The following TMCC1 variants were observed in gnomAD, a reference collection of about 807,000 sequenced individuals.
TMCC1 encodes the protein transmembrane and coiled-coil domain family 1, also known as transmembrane and coiled-coil domains protein 1.
In TMCC1, 15 loss-of-function variants were observed where a neutral mutation model predicts 52.4. The ratio of observed to expected loss-of-function variants is 0.29; its 90% CI spans 0.19 to 0.44. TMCC1 has a LOEUF of 0.44. Among genes scored for constraint, TMCC1 ranks in the 20% least tolerant of loss-of-function variants. The pLI, the probability that TMCC1 is intolerant of heterozygous loss-of-function variation, is 1.00. For missense variants in TMCC1, 503 were observed against 806.0 expected (o/e 0.62, Z 4.55); for synonymous variants, 279 against 301.9 (o/e 0.92, Z 0.79).
intron 4 of TMCC1, among the ~76,000 whole-genome samples, chr3:129,684,782 C>A (rs947013139): frequency 2.6e-5 from 4 of 152,054 alleles, no homozygotes; most frequent in Non-Finnish European, 5.9e-5. Flanking sequence ...TAGGTATCTG[C>A]GGGGTAGGAT....
At chr3:129,802,363 T>C (rs573426708) in intron 4 of TMCC1, among the ~76,000 whole-genome samples, 1 of 152,340 alleles carries the variant, frequency 6.6e-6, no homozygotes, top group African/African-American at 2.4e-5. Context: ...AAAGTGATAC[T>C]TGAGAGTATA....
chr3:129,870,364 A>G (rs1015059888), intron 2 of TMCC1, among the ~76,000 whole-genome samples: 3 of 152,148 alleles, frequency 2.0e-5, no homozygotes, highest in African/African-American at 7.2e-5. Context: ...CAACTTCTGA[A>G]TATATTTGGA....
chr3:129,820,584 G>A (rs2058367356), intron 4 of TMCC1, among the ~76,000 whole-genome samples: 2 of 151,956 alleles, frequency 1.3e-5, no homozygotes, highest in East Asian at 3.9e-4. Context: ...GGGAGATTCT[G>A]AGAGGCCAGA....
intron 4 of TMCC1, among the ~76,000 whole-genome samples, chr3:129,818,752 A>G (rs1461659782): frequency 1.3e-5 from 2 of 152,212 alleles, no homozygotes; most frequent in Non-Finnish European, 2.9e-5. Flanking sequence ...AAATGACTGA[A>G]TTCTTCAACA....
intron 2 of TMCC1, chr3:129,868,850 C>A (rs1268840140): frequency 6.6e-6 from 1 of 152,170 alleles, no homozygotes; most frequent in East Asian, 1.9e-4. Context: ...TATCAATGAC[C>A]TAAGGAATTC....
intron 2 of TMCC1, among the ~76,000 whole-genome samples, chr3:129,852,177 C>G (rs2059942713): frequency 6.6e-6 from 1 of 151,974 alleles, no homozygotes; most frequent in Admixed American, 6.6e-5. Flanking sequence ...AAAGTGGTGA[C>G]CAGGTGCAGT....
intron 5 of TMCC1, among the ~76,000 whole-genome samples, chr3:129,659,518 A>AT (rs1423603682): frequency 6.6e-6 from 1 of 152,196 alleles, no homozygotes; most frequent in Non-Finnish European, 1.5e-5. Context: ...TTTAAGAACT[A>AT]TGTAAAATCA....
intron 4 of TMCC1, among the ~76,000 whole-genome samples, chr3:129,723,736 C>T (rs575779572): frequency 6.6e-6 from 1 of 152,242 alleles, no homozygotes; most frequent in East Asian, 1.9e-4. Flanking sequence ...ACATATTATG[C>T]TTCTCCATTA....
chr3:129,870,483 T>C (rs949133436), intron 2 of TMCC1, among the ~76,000 whole-genome samples: 2 of 152,020 alleles, frequency 1.3e-5, no homozygotes, highest in Admixed American at 1.3e-4. Flanking sequence ...CTCACGCCTG[T>C]AATCCTAGCA....
chr3:129,681,832 T>C (rs183751264), intron 4 of TMCC1, among the ~76,000 whole-genome samples: 179 of 150,876 alleles, frequency 1.2e-3, no homozygotes, highest in African/African-American at 3.8e-3. Flanking sequence ...CGCTTGAACC[T>C]GGGAGGTGGA....
At chr3:129,821,236 A>G (rs180798765) in intron 4 of TMCC1, among the ~76,000 whole-genome samples, 30 of 151,884 alleles carry the variant, frequency 2.0e-4, no homozygotes, top group Admixed American at 1.8e-3. Flanking sequence ...GTAGATGTAG[A>G]TGTGTACATG....
chr3:129,669,596 G>A (rs1049580424), intron 5 of TMCC1, among the ~76,000 whole-genome samples: 2 of 151,938 alleles, frequency 1.3e-5, no homozygotes, highest in Non-Finnish European at 2.9e-5. Flanking sequence ...CACCACACCC[G>A]GCTAATTTTG....
intron 4 of TMCC1, among the ~76,000 whole-genome samples, chr3:129,769,535 T>C (rs536714533): frequency 1.3e-3 from 145 of 114,292 alleles, no homozygotes; most frequent in African/African-American, 4.5e-3. Context: ...CAGCCCATTA[T>C]GAGATTTTTT....
chr3:129,798,095 A>G (rs899483621), intron 4 of TMCC1, among the ~76,000 whole-genome samples: 2 of 151,080 alleles, frequency 1.3e-5, no homozygotes, highest in African/African-American at 4.9e-5. Context: ...TCCCAGGTTC[A>G]AGCAATTCTC....
intron 5 of TMCC1, 125 bp from the exon 6 acceptor site, chr3:129,655,228 G>A: frequency 8.5e-7 from 1 of 1,172,644 alleles, no homozygotes. Flanking sequence ...TGAGTGGCCT[G>A]GGTTAACAGG....
chr3:129,699,739 TAA>T (rs1294021294), intron 4 of TMCC1, among the ~76,000 whole-genome samples: 1 of 152,004 alleles, frequency 6.6e-6, no homozygotes, highest in Non-Finnish European at 1.5e-5. Flanking sequence ...CTGGGCAACA[TAA>T]AGAGAATCCA....
intron 4 of TMCC1, among the ~76,000 whole-genome samples, chr3:129,736,582 C>T (rs1340782857): frequency 4.7e-5 from 7 of 149,690 alleles, no homozygotes; most frequent in Non-Finnish European, 7.4e-5. Context: ...AATGCAATGG[C>T]ACAATCTCGG....
chr3:129,862,812 G>A (rs767407386), intron 2 of TMCC1, among the ~76,000 whole-genome samples: 2 of 152,102 alleles, frequency 1.3e-5, no homozygotes, highest in African/African-American at 2.4e-5. Flanking sequence ...AAATGTCTAC[G>A]TGGAAAAATA....
chr3:129,838,369 A>G (rs1159838439), intron 2 of TMCC1, among the ~76,000 whole-genome samples: 1 of 152,104 alleles, frequency 6.6e-6, no homozygotes, highest in South Asian at 2.1e-4. Context: ...TGAGCGTCCC[A>G]CTGCATTCCA....
Sources: gnomAD v4.1 joint callset for allele counts (sites outside exome capture counted in the v4.1 genomes callset) on GRCh38, gnomAD v4.1.1 for gene constraint, MANE v1.5 for transcripts, NCBI Gene and HGNC (gene_info 2026-07-23, HGNC 2026-07-21) for gene names.